CSPP1: variants seen among roughly 807,000 people sequenced by gnomAD.
CSPP1 encodes centrosome and spindle pole associated protein 1.
A neutral mutation model predicts 164.4 loss-of-function variants in CSPP1; 126 were observed. That is an observed-to-expected ratio of 0.77 (90% confidence interval 0.66 to 0.89). CSPP1 has a LOEUF of 0.89. Among genes scored for constraint, CSPP1 ranks in the 40% least tolerant of loss-of-function variants. The pLI, the probability that CSPP1 is intolerant of heterozygous loss-of-function variation, is 0.00. For synonymous variants in CSPP1, 472 were observed against 476.7 expected (o/e 0.99, Z 0.13); for missense variants, 1,395 against 1,449.8 (o/e 0.96, Z 0.61).
At position 67,158,487 on chromosome 8, in the gene CSPP1, G is replaced by A. The variant is rs753718429; in HGVS notation, c.2282G>A (p.Arg761Lys). ...CAAAGAGAGGAAGCAGAGCGAGAGA[G>A]ACTGAGAATTGCAGAAGAAAAAGAA... ...KKQREEAERERLRIAEEKEER... is the reference protein window; with the variant it reads ...KKQREEAEREKLRIAEEKEER... Residue 761 changes from arginine to lysine, a missense_variant, in exon 20 of 31, where the codon AGA becomes AAA. By Grantham distance (26) the Arg-to-Lys change is conservative. Transcript: ENST00000678616. 3.7e-5 allele frequency: 59 copies of A among 1,613,118 alleles called. No individual in the cohort carries two copies. Among genetic ancestry groups the A allele is most frequent in the Non-Finnish European group, 4.5e-5 (53 of 1,179,442 alleles).
chr8:67,184,733 T>TA (rs1563780112), intron 28 of CSPP1, among the ~76,000 whole-genome samples: 13 of 133,598 alleles, frequency 9.7e-5, no homozygotes. Context: ...AAAAAAATAA[T>TA]AATAAAAAAA....
intron 15 of CSPP1, among the ~76,000 whole-genome samples, chr8:67,131,021 G>A (rs985043151): frequency 6.6e-6 from 1 of 152,024 alleles, no homozygotes; most frequent in Non-Finnish European, 1.5e-5. Flanking sequence ...TATAAAATCA[G>A]TATTTGAATT....
chr8:67,193,569 CTGAA>C lies in CSPP1; in HGVS notation c.3442_3445del (p.Glu1148PhefsTer21). 1.9e-6 allele frequency: 3 copies of C among 1,613,694 alleles called. No homozygotes were observed. Among genetic ancestry groups the C allele is most frequent in the Non-Finnish European group, 2.5e-6 (3 of 1,179,676 alleles). On this transcript the variant is annotated frameshift_variant, in exon 30 of 31. Transcript: ENST00000678616. LOFTEE classifies it high-confidence loss of function. ...GAGAAATGAGGAACGAATGCGAAGA[CTGAA>C]TGAATTTCACAATAAACCTATTAAT... is the stretch of plus-strand genomic sequence containing the variant.
chr8:67,078,613 G>A (rs1025373346), intron 3 of CSPP1, among the ~76,000 whole-genome samples: 1 of 151,972 alleles, frequency 6.6e-6, no homozygotes, highest in African/African-American at 2.4e-5. Context: ...CGCCTGCCTC[G>A]GCCTCCCAAA....
intron 16 of CSPP1, among the ~76,000 whole-genome samples, chr8:67,133,093 A>G (rs1430316101): frequency 6.6e-6 from 1 of 152,242 alleles, no homozygotes; most frequent in Non-Finnish European, 1.5e-5. Flanking sequence ...GCATGAGCAT[A>G]TTAAAAACAC....
chr8:67,121,266 A>G (rs1343235477), intron 15 of CSPP1, among the ~76,000 whole-genome samples: 1 of 152,208 alleles, frequency 6.6e-6, no homozygotes, highest in Non-Finnish European at 1.5e-5. Flanking sequence ...ATCTTAGAGG[A>G]AAAGCTTTCA....
At chr8:67,166,261 G>C (rs1829288947) in intron 24 of CSPP1, among the ~76,000 whole-genome samples, 1 of 152,170 alleles carries the variant, frequency 6.6e-6, no homozygotes, top group South Asian at 2.1e-4. Context: ...CAGATAAGCT[G>C]GGTCTGCTTA....
At chr8:67,104,820 A>G (rs1815041922) in intron 8 of CSPP1, among the ~76,000 whole-genome samples, 1 of 147,424 alleles carries the variant, frequency 6.8e-6, no homozygotes, top group Admixed American at 6.8e-5. Context: ...TTGTATTTTT[A>G]GTAGTGATGG....
chr8:67,146,800 G>A (rs948198099), intron 17 of CSPP1, among the ~76,000 whole-genome samples: 7 of 151,590 alleles, frequency 4.6e-5, no homozygotes, highest in Non-Finnish European at 1.0e-4. Flanking sequence ...TGAGGAGCAC[G>A]TAAGTGCTCC....
At chr8:67,160,082 A>C (rs1347888544) in intron 21 of CSPP1, among the ~76,000 whole-genome samples, 1 of 132,074 alleles carries the variant, frequency 7.6e-6, no homozygotes, top group Non-Finnish European at 1.6e-5. Flanking sequence ...AGGTCTTGCT[A>C]TGTTGCCCAG....
chr8:67,118,511 C>G, intron 14 of CSPP1, 142 bp downstream of exon 14: 1 of 854,498 alleles, frequency 1.2e-6, no homozygotes, highest in Non-Finnish European at 1.9e-6. Flanking sequence ...AATAAATGCC[C>G]TATTTTAAAG....
chr8:67,175,524 A>G lies in CSPP1; in HGVS notation c.3109+88A>G, dbSNP rs1246539054. On this transcript the variant is annotated intron_variant, in intron 26 of 30. Coordinates refer to ENST00000678616, the MANE Select transcript of CSPP1 (RefSeq NM_001382391.1). ...CATCTCTTCTATTGATTTCATTCCC[A>G]GGCATCCTCCTTTCACTGGCAGCCC... The G allele has an allele frequency of 4.7e-6, 7 of 1,491,582 alleles. No individual in the cohort carries two copies. The Admixed American group carries it at 1.2e-4, about 26-fold the overall frequency. The allele number at this position is 1,491,582 out of a possible 1,614,324, so 92.4% of individuals were successfully genotyped here.
In CSPP1 at chr8:67,086,922, A is replaced by G. The variant is rs1248420738; in HGVS notation, c.303+812A>G. 5.0e-6 allele frequency: 4 copies of G among 797,878 alleles called. No individual in the cohort carries two copies. The African/African-American group carries it at 5.5e-5, about 11-fold the overall frequency. The allele number at this position is 797,878 out of a possible 1,614,324, so 49.4% of individuals were successfully genotyped here. On this transcript the variant is annotated intron_variant, in intron 4 of 30. Transcript: ENST00000678616. ...TTTTTTTACGATCTAGAAGGTTGCAATCATTTGCATTTATGAGATTCAAAC... is the reference window on the plus strand; with the variant it reads ...TTTTTTTACGATCTAGAAGGTTGCAGTCATTTGCATTTATGAGATTCAAAC...
chr8:67,186,335 G>A (rs1469266435), intron 28 of CSPP1, among the ~76,000 whole-genome samples: 1 of 151,552 alleles, frequency 6.6e-6, no homozygotes, highest in Non-Finnish European at 1.5e-5. Flanking sequence ...TGTTATGATA[G>A]GCCATAGTAG....
chr8:67,187,896 ATCTAAATGTAAAATGCT>A (rs1199886162), intron 28 of CSPP1, among the ~76,000 whole-genome samples: 1 of 152,248 alleles, frequency 6.6e-6, no homozygotes, highest in Non-Finnish European at 1.5e-5. Flanking sequence ...TCGATCTTAC[ATCTAAATGTAAAATGCT>A]AAATTGTAAA....
At chr8:67,194,349 G>C (rs1182339458) in intron 30 of CSPP1, among the ~76,000 whole-genome samples, 1 of 152,134 alleles carries the variant, frequency 6.6e-6, no homozygotes, top group Non-Finnish European at 1.5e-5. Context: ...CTTTAATACT[G>C]TGTTAATTTA....
intron 1 of CSPP1, among the ~76,000 whole-genome samples, chr8:67,065,148 T>G (rs1420850647): frequency 6.6e-6 from 1 of 152,224 alleles, no homozygotes; most frequent in Non-Finnish European, 1.5e-5. Context: ...TAGTAAAACT[T>G]ATTTAATCTT....
chr8:67,152,650 A>G (rs1324375084), intron 18 of CSPP1, among the ~76,000 whole-genome samples: 2 of 152,214 alleles, frequency 1.3e-5, no homozygotes, highest in African/African-American at 4.8e-5. Context: ...GAAACATGCT[A>G]CTCAAGTTTG....
chr8:67,175,598 TGA>T (rs1419428689), intron 26 of CSPP1, 162 bp downstream of exon 26: 2 of 797,882 alleles, frequency 2.5e-6, no homozygotes, highest in East Asian at 2.7e-5. Context: ...AGAACAAGTA[TGA>T]GAGAGAGCTC....
Sources: gnomAD v4.1 joint callset for allele counts (sites outside exome capture counted in the v4.1 genomes callset) on GRCh38, gnomAD v4.1.1 for gene constraint, MANE v1.5 for transcripts, NCBI Gene and HGNC (gene_info 2026-07-23, HGNC 2026-07-21) for gene names.